Variants in RGS6 observed in about 807,000 individuals in gnomAD.
RGS6 encodes the protein regulator of G-protein signaling 6.
RGS6 carries 30 observed loss-of-function variants against 78.5 expected under a neutral mutation model. The observed-to-expected ratio is 0.38, with a 90% CI of 0.29 to 0.52. The LOEUF (loss-of-function observed/expected upper bound fraction) is 0.52. RGS6 is among the 20% of genes least tolerant of loss of function. RGS6 has a pLI of 0.85. For missense variants in RGS6, 495 were observed against 609.7 expected (o/e 0.81, Z 1.98); for synonymous variants, 206 against 206.0 (o/e 1.00, Z 0.00).
At chr14:72,037,266 G>A (rs2332709) in intron 2 of RGS6, among the ~76,000 whole-genome samples, 56,217 of 151,994 alleles carry the variant, frequency 0.37, 11,420 homozygotes, top group South Asian at 0.51. Context: ...ACCTGCTCGG[G>A]TCCCTTCCAT....
chr14:72,401,230 C>T lies in RGS6; in HGVS notation c.184+49036C>T, dbSNP rs569902017. Among the ~76,000 whole-genome samples, 309 of 152,142 alleles carry T rather than the reference C, an allele frequency of 2.0e-3. 2 individuals are homozygous for T. Among genetic ancestry groups the T allele is most frequent in the African/African-American group, 7.2e-3 (297 of 41,492 alleles). On this transcript the variant is annotated intron_variant, in intron 3 of 17. Transcript: ENST00000553525. The stretch of plus-strand genomic sequence containing the variant: ...CATAATGTGTTTCCTGGAGTAGGGG[C>T]GGACAAATATGTTAACTAAATTCTT...
At chr14:72,373,314 A>T (rs770536836) in intron 3 of RGS6, among the ~76,000 whole-genome samples, 7 of 152,194 alleles carry the variant, frequency 4.6e-5, no homozygotes, top group Non-Finnish European at 1.0e-4. Flanking sequence ...ATACCTAGTG[A>T]CAAAGAGACT....
the RGS6 span, among the ~76,000 whole-genome samples, chr14:71,888,063 C>G: frequency 0.52 from 79,419 of 151,654 alleles, 23,878 homozygotes; most frequent in Non-Finnish European, 0.67. Context: ...TACTGTCTCT[C>G]TTTATTTCTC....
chr14:72,464,611 C>A (rs759428929), intron 6 of RGS6: 4 of 152,202 alleles, frequency 2.6e-5, no homozygotes, highest in Non-Finnish European at 4.4e-5. Context: ...CTCTGGCCCT[C>A]CCTCTTGATC....
At chr14:71,891,385 T>C in the RGS6 span, among the ~76,000 whole-genome samples, 1 of 152,210 alleles carries the variant, frequency 6.6e-6, no homozygotes, top group African/African-American at 2.4e-5. Flanking sequence ...TGGCAGTTGA[T>C]GCTGGCTGTT....
At chr14:72,254,475 G>A (rs2056613424) in intron 2 of RGS6, among the ~76,000 whole-genome samples, 1 of 152,008 alleles carries the variant, frequency 6.6e-6, no homozygotes, top group Non-Finnish European at 1.5e-5. Flanking sequence ...GACAGTGCAT[G>A]CCTGAGAGTT....
the RGS6 span, chr14:72,594,512 C>A: frequency 6.6e-6 from 1 of 152,164 alleles, no homozygotes; most frequent in East Asian, 1.9e-4. Flanking sequence ...CAATTCTCTC[C>A]TTCTTTGGGC....
chr14:72,390,090 CT>C (rs767640465), intron 3 of RGS6, among the ~76,000 whole-genome samples: 2,978 of 117,374 alleles, frequency 0.025, 73 homozygotes, highest in African/African-American at 0.075. Flanking sequence ...AGCTATAGTT[CT>C]TTTTTTTTTT....
intron 3 of RGS6, among the ~76,000 whole-genome samples, chr14:72,419,506 A>G (rs1233539591): frequency 2.0e-5 from 3 of 152,232 alleles, no homozygotes; most frequent in South Asian, 4.1e-4. Flanking sequence ...ACCAAATCCT[A>G]TCGGCTGAAC....
chr14:72,256,624 G>T (rs1316984678), intron 2 of RGS6, among the ~76,000 whole-genome samples: 3 of 152,140 alleles, frequency 2.0e-5, no homozygotes, highest in Admixed American at 1.3e-4. Context: ...CCCTAAACAA[G>T]GAGGGGGTTA....
chr14:72,480,287 G>A (rs774787469), intron 12 of RGS6, among the ~76,000 whole-genome samples: 1 of 152,196 alleles, frequency 6.6e-6, no homozygotes, highest in African/African-American at 2.4e-5. Flanking sequence ...GCATGAGGGA[G>A]GCAGACTCCA....
intron 3 of RGS6, among the ~76,000 whole-genome samples, chr14:72,442,592 C>A (rs779200078): frequency 6.6e-6 from 1 of 152,308 alleles, no homozygotes; most frequent in Admixed American, 6.5e-5. Context: ...GTCGTAATAA[C>A]GGCAATGACA....
intron 2 of RGS6, among the ~76,000 whole-genome samples, chr14:71,998,856 T>G (rs1469626976): frequency 6.6e-6 from 1 of 152,220 alleles, no homozygotes; most frequent in Non-Finnish European, 1.5e-5. Flanking sequence ...GTGGTCTCTC[T>G]GCAGCCTTGC....
intron 2 of RGS6, among the ~76,000 whole-genome samples, chr14:72,346,559 G>C (rs1462862937): frequency 6.6e-6 from 1 of 152,200 alleles, no homozygotes; most frequent in African/African-American, 2.4e-5. Context: ...AACATGGAGA[G>C]GAAGATCTCA....
At chr14:71,960,733 CT>C (rs557003744) in intron 1 of RGS6, among the ~76,000 whole-genome samples, 1 of 152,202 alleles carries the variant, frequency 6.6e-6, no homozygotes, top group Non-Finnish European at 1.5e-5. Flanking sequence ...ATCTTTGTGG[CT>C]TTTTTCTCTT....
chr14:72,105,317 C>G (rs1328804318), intron 2 of RGS6, among the ~76,000 whole-genome samples: 2 of 152,228 alleles, frequency 1.3e-5, no homozygotes, highest in African/African-American at 4.8e-5. Context: ...GATCACCACT[C>G]ACATTTTGCC....
chr14:72,599,786 G>A, the RGS6 span, among the ~76,000 whole-genome samples: 2 of 151,950 alleles, frequency 1.3e-5, no homozygotes, highest in Non-Finnish European at 2.9e-5. Flanking sequence ...GGAGATAGTG[G>A]GGCTGAGGAG....
At chr14:71,882,916 G>T in the RGS6 span, among the ~76,000 whole-genome samples, 2 of 152,108 alleles carry the variant, frequency 1.3e-5, no homozygotes, top group Non-Finnish European at 2.9e-5. Flanking sequence ...GCCAGAGCTG[G>T]TTCTGGGTCA....
chr14:72,465,893 TA>T, intron 7 of RGS6, 71 bp downstream of exon 7: 2 of 1,298,572 alleles, frequency 1.5e-6, no homozygotes, highest in African/African-American at 1.5e-5. Flanking sequence ...CGTCTAAGTT[TA>T]TTTTTTTTTT....
Sources: allele counts gnomAD v4.1 joint callset (sites outside exome capture counted in the v4.1 genomes callset), GRCh38; gene constraint gnomAD v4.1.1; transcripts MANE v1.5; gene names NCBI Gene and HGNC (gene_info 2026-07-23, HGNC 2026-07-21).